The following TKT variants were observed in gnomAD, a reference collection of about 807,000 sequenced individuals.
TKT encodes the protein transketolase.
In TKT, 47 loss-of-function variants were observed where a neutral mutation model predicts 63.9. The observed-to-expected ratio is 0.74, with a 90% CI of 0.58 to 0.94. The LOEUF is 0.94. TKT is among the 40% of genes least tolerant of loss of function. The probability of loss-of-function intolerance (pLI) is 0.00; values close to 1 mark genes in which losing one functional copy is unlikely to be tolerated. For missense variants in TKT, 721 were observed against 846.2 expected (o/e 0.85, Z 1.84); for synonymous variants, 338 against 334.1 (o/e 1.01, Z -0.13).
chr3:53,228,955 C>T, intron 10 of TKT, 52 bp downstream of exon 10: 1 of 1,606,908 alleles, frequency 6.2e-7, no homozygotes. Context: ...TCTTCTGTTT[C>T]CCTTGGGAAG....
chr3:53,229,312 T>C lies in TKT; in HGVS notation c.1232A>G (p.Asn411Ser), dbSNP rs782597830. The change falls in exon 9 of 14, where the codon AAC becomes AGC. Residue 411 changes from asparagine to serine, a missense_variant. Physicochemically the swap from Asn to Ser is conservative, Grantham distance 46. Transcript: ENST00000462138. Reference sequence around the variant, plus strand: ...AACGCCGCAGTGGGAGCCGCAGAGGTTGATGTTGCTCTCGGAGATGGCGGC... The same window carrying C: ...AACGCCGCAGTGGGAGCCGCAGAGGCTGATGTTGCTCTCGGAGATGGCGGC... Reference protein sequence around the residue: ...RMAAISESNINLCGSHCGVSI... With the variant: ...RMAAISESNISLCGSHCGVSI... 4 of 1,613,618 alleles carry C rather than the reference T, an allele frequency of 2.5e-6. No homozygotes were observed. The highest frequency in any genetic ancestry group is 1.7e-5 in the Admixed American group (1 of 59,954).
intron 10 of TKT, 147 bp downstream of exon 10, chr3:53,228,860 T>C (rs1330080029): frequency 8.5e-7 from 1 of 1,180,884 alleles, no homozygotes; most frequent in East Asian, 2.4e-5. Context: ...CGTTTTTTCT[T>C]GTCTAACTTC....
intron 1 of TKT, among the ~76,000 whole-genome samples, chr3:53,254,852 C>T (rs1286823387): frequency 6.6e-6 from 1 of 152,220 alleles, no homozygotes; most frequent in Non-Finnish European, 1.5e-5. Flanking sequence ...TCCCTGTCTC[C>T]GCTACAGAGG....
chr3:53,240,473 G>A, intron 3 of TKT, 125 bp from the exon 4 acceptor site: 1 of 744,584 alleles, frequency 1.3e-6, no homozygotes, highest in South Asian at 1.9e-5. Flanking sequence ...GCCCCAGGAT[G>A]GCCTCTACCT....
intron 6 of TKT, chr3:53,231,930 G>A (rs1704783051): frequency 7.4e-6 from 2 of 269,820 alleles, no homozygotes; most frequent in Admixed American, 4.8e-5. Flanking sequence ...GTCTGCTGCA[G>A]AAATACTCAG....
chr3:53,246,813 T>C (rs1290815895), intron 1 of TKT, among the ~76,000 whole-genome samples: 3 of 149,522 alleles, frequency 2.0e-5, no homozygotes, highest in African/African-American at 7.4e-5. Context: ...ATGGCGCCAT[T>C]GCACTCCAGC....
intron 1 of TKT, among the ~76,000 whole-genome samples, chr3:53,247,401 G>A (rs533094112): frequency 6.7e-6 from 1 of 150,142 alleles, no homozygotes; most frequent in East Asian, 2.0e-4. Context: ...CAGGGGCGGT[G>A]GCTCACCTGA....
chr3:53,250,628 A>G (rs1472810287), intron 1 of TKT, among the ~76,000 whole-genome samples: 1 of 152,028 alleles, frequency 6.6e-6, no homozygotes, highest in Non-Finnish European at 1.5e-5. Flanking sequence ...AAAATTAGCC[A>G]AGGCATAGTG....
At chr3:53,250,937 CTCTT>C (rs1370967578) in intron 1 of TKT, among the ~76,000 whole-genome samples, 2 of 152,044 alleles carry the variant, frequency 1.3e-5, no homozygotes, top group African/African-American at 2.4e-5. Context: ...ACATGCACAG[CTCTT>C]TCTTTTTTTT....
chr3:53,247,656 A>AAAAT lies in TKT; in HGVS notation c.108-5415_108-5414insATTT, dbSNP rs1705577020. ...CTCAAAAAAAAAAAAAAAAAAAAAA[A>AAAAT]ATACTCAGGAGAGAATCCCAGGATG... is the stretch of plus-strand genomic sequence containing the variant. On this transcript the variant is annotated intron_variant, in intron 1 of 13. Coordinates refer to ENST00000462138, the MANE Select transcript of TKT (RefSeq NM_001064.4). Among the ~76,000 whole-genome samples, 3 of 151,536 alleles carry AAAAT rather than the reference A, an allele frequency of 2.0e-5. No homozygotes were observed. The South Asian group carries it at 6.3e-4, about 32-fold the overall frequency.
At position 53,226,761 on chromosome 3, in the gene TKT, T is replaced by A. The variant is rs951384680; in HGVS notation, c.1691A>T (p.Tyr564Phe). Residue 564 changes from tyrosine (Y) to phenylalanine (F), a missense_variant, in exon 13 of 14, where the codon TAT becomes TTT. Tyr to Phe is a conservative substitution (Grantham distance 22). Transcript: ENST00000462138. ...CCTGCCCCAGGCCTCCTTACCTTCA[T>A]AATAATGGTCCTCCACGGTGAGGAT... The part of the protein sequence containing the change: ...GRILTVEDHY[Y>F]EGGIGEAVSS... 1 of 1,613,774 alleles carries A rather than the reference T, an allele frequency of 6.2e-7. No individual in the cohort carries two copies. The highest frequency in any genetic ancestry group is 1.3e-5 in the African/African-American group (1 of 74,936).
chr3:53,233,133 G>A (rs187205345), intron 6 of TKT, 23 bp downstream of exon 6: 1,917 of 1,602,036 alleles, frequency 1.2e-3, no homozygotes, highest in Non-Finnish European at 1.5e-3. Context: ...TGAAGGTGGG[G>A]AGGGCGGCTT....
chr3:53,240,138 AC>A, intron 4 of TKT, 112 bp downstream of exon 4: 1 of 996,104 alleles, frequency 1.0e-6, no homozygotes, highest in Non-Finnish European at 1.5e-6. Flanking sequence ...CATATGTATT[AC>A]TCTGCCCTAG....
chr3:53,229,057 T>C lies in TKT; in HGVS notation c.1345A>G (p.Ser449Gly). 6.2e-7 allele frequency: 1 copy of C among 1,614,132 alleles called. No homozygotes were observed. Among genetic ancestry groups the C allele is most frequent in the Non-Finnish European group, 8.5e-7 (1 of 1,180,016 alleles). Residue 449 changes from serine (S) to glycine (G), a missense_variant, in exon 10 of 14, where the codon AGT becomes GGT. Coordinates refer to ENST00000462138, the MANE Select transcript of TKT (RefSeq NM_001064.4). ...SVPTSTVFYP[S>G]DGVATEKAVE... ...GCCTTCTCTGTAGCAACGCCATCACTTGGGTAAAAGACAGTTGATGTGGGG... is the reference window on the plus strand; with the variant it reads ...GCCTTCTCTGTAGCAACGCCATCACCTGGGTAAAAGACAGTTGATGTGGGG...
intron 7 of TKT, among the ~76,000 whole-genome samples, chr3:53,231,136 G>A (rs948998443): frequency 2.0e-5 from 3 of 152,226 alleles, no homozygotes; most frequent in African/African-American, 7.2e-5. Context: ...TGCTAAGCTT[G>A]CTAAGTGGGC....
Position 53,228,347 on chromosome 3 carries a change from TGAAGCAGATACCCTGAGACC to T in TKT, c.1396-8_1407del. On this transcript the variant is annotated splice_acceptor_variant and splice_polypyrimidine_tract_variant and coding_sequence_variant and intron_variant, in exon 11 of 14. Coordinates refer to ENST00000462138, the MANE Select transcript of TKT (RefSeq NM_001064.4). LOFTEE classifies it high-confidence loss of function. The stretch of plus-strand genomic sequence containing the variant: ...GCATTTTCTGGGCGGCTGGTCCGGA[TGAAGCAGATACCCTGAGACC>T]GAAACAGATAAACTGAGGATACAGG... The T allele has an allele frequency of 6.2e-7, 1 of 1,614,114 alleles. No individual in the cohort carries two copies. Among genetic ancestry groups the T allele is most frequent in the Non-Finnish European group, 8.5e-7 (1 of 1,180,014 alleles).
chr3:53,236,468 G>C (rs1403120810), intron 4 of TKT, among the ~76,000 whole-genome samples: 2 of 152,218 alleles, frequency 1.3e-5, no homozygotes, highest in Non-Finnish European at 2.9e-5. Context: ...ACCATGGCCA[G>C]AAGGACAAAG....
At position 53,251,881 on chromosome 3, in the gene TKT, T is replaced by G. The variant is rs191876601; in HGVS notation, c.107+3955A>C. ...GGGGCCAGGAGCGGTGGCTCACGCC[T>G]ATAATCCCAGCACTTTGGGAGGCCG... On this transcript the variant is annotated intron_variant, in intron 1 of 13. Transcript: ENST00000462138. 5.8e-3 allele frequency among the ~76,000 whole-genome samples: 880 copies of G among 152,224 alleles called. 59 individuals carry two copies. In the South Asian group the frequency reaches 0.13, roughly 23 times the overall value.
Position 53,255,925 on chromosome 3 carries a change from C to T in TKT, c.18G>A (p.Lys6=), listed in dbSNP as rs782423760. MESYH[K]PDQQKLQALK... is the part of the protein sequence containing the mutation. The stretch of plus-strand genomic sequence containing the variant: ...AGGCCTGCAGCTTCTGCTGGTCAGG[C>T]TTGTGGTAGCTCTCCATGGTGCGGC... Residue 6 remains lysine, a synonymous_variant, in exon 1 of 14, where the codon AAG becomes AAA. Coordinates refer to ENST00000462138, the MANE Select transcript of TKT (RefSeq NM_001064.4). The T allele has an allele frequency of 1.9e-6, 3 of 1,538,640 alleles. No individual in the cohort carries two copies. Among genetic ancestry groups the T allele is most frequent in the East Asian group, 2.7e-5 (1 of 36,874 alleles).
Sources: allele counts gnomAD v4.1 joint callset (sites outside exome capture counted in the v4.1 genomes callset), GRCh38; gene constraint gnomAD v4.1.1; transcripts MANE v1.5; gene names NCBI Gene and HGNC (gene_info 2026-07-23, HGNC 2026-07-21).